The following MAGI1 variants were observed in gnomAD, a reference collection of about 807,000 sequenced individuals.
The protein encoded by MAGI1 is membrane-associated guanylate kinase, WW and PDZ domain-containing protein 1.
MAGI1 carries 58 observed loss-of-function variants against 139.9 expected under a neutral mutation model. The ratio of observed to expected loss-of-function variants is 0.41; its 90% CI spans 0.34 to 0.52. The LOEUF (loss-of-function observed/expected upper bound fraction) is 0.52, where lower values mean the gene tolerates loss of function less well. MAGI1 is among the 20% of genes least tolerant of loss of function. The pLI is 0.12. For missense variants in MAGI1, 1,874 were observed against 1,901.6 expected, an observed-to-expected ratio of 0.99 and a Z score of 0.27; for synonymous variants, 812 against 737.9, an observed-to-expected ratio of 1.10 and a Z score of -1.63.
intron 1 of MAGI1, among the ~76,000 whole-genome samples, chr3:65,958,004 C>A (rs1414417144): frequency 6.6e-6 from 1 of 152,094 alleles, no homozygotes; most frequent in Admixed American, 6.5e-5. Context: ...GGTGATACAC[C>A]CGCCTCAGCC....
intron 1 of MAGI1, among the ~76,000 whole-genome samples, chr3:65,829,907 G>A (rs565168138): frequency 2.0e-5 from 3 of 152,292 alleles, no homozygotes; most frequent in African/African-American, 7.2e-5. Flanking sequence ...AAACAGTTGT[G>A]CTTTCAGTAG....
rs557049540 is a variant in MAGI1, at chr3:65,928,162, T to C, written c.313+109834A>G. 6.6e-5 allele frequency among the ~76,000 whole-genome samples: 10 copies of C among 152,312 alleles called. No individual in the cohort carries two copies. The East Asian group carries it at 1.9e-3, about 29-fold the overall frequency. On this transcript the variant is annotated intron_variant, in intron 1 of 22. Transcript: ENST00000402939. The stretch of plus-strand genomic sequence containing the variant: ...TGTTCACTGATGCACCCCTGGTGTG[T>C]AGAGCAATGACTGATACATATTAAC...
intron 2 of MAGI1, among the ~76,000 whole-genome samples, chr3:65,552,996 G>C (rs1162615243): frequency 3.3e-5 from 5 of 152,098 alleles, no homozygotes; most frequent in Non-Finnish European, 7.3e-5. Context: ...GTTCAGCGTG[G>C]TAATACATCT....
In MAGI1 at chr3:65,395,355, G is replaced by C. The variant is rs80198151; in HGVS notation, c.2200-3997C>G. Among the ~76,000 whole-genome samples, 668 of 151,926 alleles carry C rather than the reference G, an allele frequency of 4.4e-3. 5 individuals carry two copies. The highest frequency in any genetic ancestry group is 5.1e-3 in the Non-Finnish European group (347 of 67,922). On this transcript the variant is annotated intron_variant, in intron 13 of 22. Coordinates refer to ENST00000402939, the MANE Select transcript of MAGI1 (RefSeq NM_001033057.2). The stretch of plus-strand genomic sequence containing the variant: ...TCTGGAAGAACCCTACTAACAGAAA[G>C]AGAAGGCTGGGCATGATGGCTCACA...
At chr3:65,652,185 AG>A (rs2085622949) in intron 1 of MAGI1, among the ~76,000 whole-genome samples, 1 of 152,170 alleles carries the variant, frequency 6.6e-6, no homozygotes, top group Non-Finnish European at 1.5e-5. Context: ...TGATTATCAA[AG>A]GGGGTAGATA....
chr3:65,908,304 A>C (rs1175625281), intron 1 of MAGI1, among the ~76,000 whole-genome samples: 1 of 146,728 alleles, frequency 6.8e-6, no homozygotes, highest in African/African-American at 2.5e-5. Context: ...ATAATCCTTA[A>C]TTTTTTTTTT....
intron 2 of MAGI1, among the ~76,000 whole-genome samples, chr3:65,510,798 A>C (rs1359248637): frequency 7.1e-6 from 1 of 141,836 alleles, no homozygotes; most frequent in African/African-American, 2.6e-5. Context: ...CAGGAAATAC[A>C]GAGAACGCCA....
At chr3:65,920,429 G>A (rs2062120579) in intron 1 of MAGI1, among the ~76,000 whole-genome samples, 1 of 152,160 alleles carries the variant, frequency 6.6e-6, no homozygotes, top group African/African-American at 2.4e-5. Flanking sequence ...AACACCGTAT[G>A]AATTTCTAAT....
intron 3 of MAGI1, among the ~76,000 whole-genome samples, chr3:65,488,774 G>T (rs1024423022): frequency 4.0e-5 from 6 of 150,714 alleles, no homozygotes; most frequent in East Asian, 4.0e-4. Flanking sequence ...CAGGATCAGG[G>T]GATTCTCCCA....
chr3:65,989,356 C>T (rs1019556132), intron 1 of MAGI1, among the ~76,000 whole-genome samples: 1 of 152,150 alleles, frequency 6.6e-6, no homozygotes, highest in African/African-American at 2.4e-5. Flanking sequence ...ACTCCATTCC[C>T]ATAAATTTTG....
chr3:65,684,707 G>C (rs1212537288), intron 1 of MAGI1, among the ~76,000 whole-genome samples: 1 of 151,498 alleles, frequency 6.6e-6, no homozygotes, highest in Non-Finnish European at 1.5e-5. Flanking sequence ...GGATTTTTTT[G>C]GTTTTGTTTT....
intron 12 of MAGI1, among the ~76,000 whole-genome samples, chr3:65,413,130 T>C (rs1945922612): frequency 6.6e-6 from 1 of 152,188 alleles, no homozygotes; most frequent in South Asian, 2.1e-4. Context: ...CATGAATCTC[T>C]TGAGCAGTTT....
At chr3:65,886,377 G>A (rs527388973) in intron 1 of MAGI1, among the ~76,000 whole-genome samples, 1 of 152,066 alleles carries the variant, frequency 6.6e-6, no homozygotes, top group African/African-American at 2.4e-5. Flanking sequence ...TCAAATAAGC[G>A]TGTCTCAAGA....
At chr3:65,375,546 AG>A (rs1238525322) in intron 18 of MAGI1, among the ~76,000 whole-genome samples, 198 bp downstream of exon 18, 5 of 152,146 alleles carry the variant, frequency 3.3e-5, no homozygotes, top group African/African-American at 1.2e-4. Context: ...ATTACACAAG[AG>A]GGTGAGGTAT....
intron 1 of MAGI1, among the ~76,000 whole-genome samples, chr3:65,808,229 C>T (rs1382476459): frequency 6.6e-6 from 1 of 152,160 alleles, no homozygotes; most frequent in Non-Finnish European, 1.5e-5. Context: ...AGGTGATCCA[C>T]CCGCCTTGGC....
At chr3:65,403,620 C>T (rs1452200291) in intron 12 of MAGI1, among the ~76,000 whole-genome samples, 2 of 152,128 alleles carry the variant, frequency 1.3e-5, no homozygotes, top group Non-Finnish European at 2.9e-5. Flanking sequence ...TTATCTTTTA[C>T]TGCACTTGAC....
chr3:65,656,868 T>C (rs1365426854), intron 1 of MAGI1, among the ~76,000 whole-genome samples: 1 of 150,622 alleles, frequency 6.6e-6, no homozygotes, highest in East Asian at 2.0e-4. Context: ...CATGGTGGCA[T>C]GCATCTGTAA....
At chr3:65,619,882 T>C in intron 2 of MAGI1, 1 of 985,294 alleles carries the variant, frequency 1.0e-6, no homozygotes, top group African/African-American at 1.7e-5. Flanking sequence ...ACACCATTTC[T>C]GCTTTCCAAA....
chr3:65,517,834 A>G (rs1394617021), intron 2 of MAGI1, among the ~76,000 whole-genome samples: 1 of 152,000 alleles, frequency 6.6e-6, no homozygotes, highest in Non-Finnish European at 1.5e-5. Context: ...CCTTTGTGTG[A>G]CCTCAGAGCT....
Sources: gnomAD v4.1 joint callset for allele counts (sites outside exome capture counted in the v4.1 genomes callset) on GRCh38, gnomAD v4.1.1 for gene constraint, MANE v1.5 for transcripts, NCBI Gene and HGNC (gene_info 2026-07-23, HGNC 2026-07-21) for gene names.